PHLPP1: variants seen among roughly 807,000 people sequenced by gnomAD.
PHLPP1 encodes PH domain and leucine rich repeat protein phosphatase 1.
PHLPP1 carries 42 observed loss-of-function variants against 117.2 expected under a neutral mutation model. The observed-to-expected ratio is 0.36, with a 90% confidence interval of 0.28 to 0.46. The LOEUF (loss-of-function observed/expected upper bound fraction) is 0.46, where lower values mean the gene tolerates loss of function less well. PHLPP1 is among the 20% of genes least tolerant of loss of function. The pLI is 1.00. For synonymous variants in PHLPP1, 1,042 were observed against 970.7 expected, an observed-to-expected ratio of 1.07 and a Z score of -1.37; for missense variants, 2,084 against 2,241.9, an observed-to-expected ratio of 0.93 and a Z score of 1.42.
At chr18:62,805,194 GCATAGGTTATACATATACAGTA>G (rs1489859927) in intron 1 of PHLPP1, among the ~76,000 whole-genome samples, 6 of 141,348 alleles carry the variant, frequency 4.2e-5, no homozygotes, top group Admixed American at 2.8e-4. Context: ...AATATACACT[GCATAGGTTATACATATACAGTA>G]TAATATACAC....
chr18:62,928,626 A>G (rs1909717526), intron 10 of PHLPP1, among the ~76,000 whole-genome samples: 1 of 152,188 alleles, frequency 6.6e-6, no homozygotes, highest in Non-Finnish European at 1.5e-5. Context: ...ATTAAACACA[A>G]TATTACCCAG....
chr18:62,820,089 A>G (rs995618391), intron 1 of PHLPP1, among the ~76,000 whole-genome samples: 17 of 152,358 alleles, frequency 1.1e-4, no homozygotes, highest in African/African-American at 3.1e-4. Flanking sequence ...AAACAGTATA[A>G]TCAGTGATAA....
chr18:62,978,754 A>G lies in PHLPP1; in HGVS notation c.4477A>G (p.Thr1493Ala). The change falls in exon 17 of 17, where the codon ACA (threonine) becomes GCA (alanine). Residue 1493 changes from threonine to alanine, a missense_variant. This residue lies in a region of PHLPP1 where 1,365 missense variants were observed against 1,605.9 expected (regional missense o/e 0.85). Transcript: ENST00000262719. The surrounding 1 kb of genome is among the most constrained non-coding windows in gnomAD (Gnocchi z 7.0). ...TGAGATGAGCAGCGAGGTGGGGTCA[A>G]CAGCCTCCGATGAGCCCCCGCCCGG... Reference protein sequence around the residue: ...TSEMSSEVGSTASDEPPPGAL... With the variant: ...TSEMSSEVGSAASDEPPPGAL... The G allele has an allele frequency of 1.2e-6, 2 of 1,613,340 alleles. No homozygotes were observed. The highest frequency in any genetic ancestry group is 1.7e-6 in the Non-Finnish European group (2 of 1,179,770).
At chr18:62,899,454 C>G (rs573419661) in intron 6 of PHLPP1, among the ~76,000 whole-genome samples, 1 of 152,314 alleles carries the variant, frequency 6.6e-6, no homozygotes, top group East Asian at 1.9e-4. Context: ...CCATGTACAC[C>G]TGTTCCATTC....
At chr18:62,801,269 C>T in intron 1 of PHLPP1, among the ~76,000 whole-genome samples, 1 of 151,524 alleles carries the variant, frequency 6.6e-6, no homozygotes, top group East Asian at 1.9e-4. Flanking sequence ...TCTCAAACTC[C>T]TGGCCTCAAG....
chr18:62,717,860 G>C (rs999554380), intron 1 of PHLPP1, among the ~76,000 whole-genome samples: 1 of 151,748 alleles, frequency 6.6e-6, no homozygotes, highest in East Asian at 1.9e-4. Flanking sequence ...CGCTTTTTTT[G>C]CTCGATTTCT....
At chr18:62,915,512 C>A (rs910707143) in intron 9 of PHLPP1, among the ~76,000 whole-genome samples, 3 of 151,906 alleles carry the variant, frequency 2.0e-5, no homozygotes, top group African/African-American at 7.3e-5. Context: ...AAGAACTTCT[C>A]TTTCCTTCTC....
chr18:62,879,402 A>ATGTGTG (rs1916121047), intron 4 of PHLPP1, among the ~76,000 whole-genome samples: 1 of 148,258 alleles, frequency 6.7e-6, no homozygotes, highest in African/African-American at 2.6e-5. Flanking sequence ...GGTATTCTGG[A>ATGTGTG]TATGTGTGTG....
chr18:62,957,137 A>G (rs1167690781), intron 12 of PHLPP1, among the ~76,000 whole-genome samples: 4 of 152,100 alleles, frequency 2.6e-5, no homozygotes, highest in Admixed American at 1.3e-4. Context: ...ACCCCATACT[A>G]TATACTATAT....
At chr18:62,922,710 G>C (rs1909512210) in intron 10 of PHLPP1, among the ~76,000 whole-genome samples, 1 of 152,248 alleles carries the variant, frequency 6.6e-6, no homozygotes, top group East Asian at 1.9e-4. Flanking sequence ...ACTATTAGAG[G>C]TTATCAGTGC....
chr18:62,741,911 G>T (rs1911538498), intron 1 of PHLPP1, among the ~76,000 whole-genome samples: 1 of 151,862 alleles, frequency 6.6e-6, no homozygotes, highest in African/African-American at 2.4e-5. Context: ...GAAATTGTAA[G>T]GGGCCATATA....
At chr18:62,938,420 A>G (rs1281926830) in intron 10 of PHLPP1, among the ~76,000 whole-genome samples, 1 of 152,220 alleles carries the variant, frequency 6.6e-6, no homozygotes, top group African/African-American at 2.4e-5. Flanking sequence ...GATGAAATGT[A>G]GACTATTAAA....
intron 12 of PHLPP1, among the ~76,000 whole-genome samples, chr18:62,952,282 A>G: frequency 6.6e-6 from 1 of 152,172 alleles, no homozygotes; most frequent in South Asian, 2.1e-4. Flanking sequence ...AAAAGAAGGG[A>G]TGATGTAAAG....
In PHLPP1 at chr18:62,913,556, A is replaced by G. The variant is rs191739671; in HGVS notation, c.2709-1357A>G. 1.9e-3 allele frequency among the ~76,000 whole-genome samples: 284 copies of G among 152,294 alleles called. 5 individuals are homozygous for G. The highest frequency in any genetic ancestry group is 3.8e-4 in the Non-Finnish European group (26 of 68,024). ...TTCACAGAATTACTCATCTGTGTAT[A>G]AAGAATTGTCATAATGTACGTACTG... On this transcript the variant is annotated intron_variant, in intron 8 of 16. Coordinates refer to ENST00000262719, the MANE Select transcript of PHLPP1 (RefSeq NM_194449.4).
intron 1 of PHLPP1, among the ~76,000 whole-genome samples, chr18:62,725,795 T>C (rs928226427): frequency 6.6e-6 from 1 of 152,360 alleles, no homozygotes; most frequent in Admixed American, 6.5e-5. Context: ...GCAAAAGCTT[T>C]AGCTTCCTTT....
At chr18:62,769,792 C>T (rs1912692438) in intron 1 of PHLPP1, among the ~76,000 whole-genome samples, 1 of 152,178 alleles carries the variant, frequency 6.6e-6, no homozygotes, top group Non-Finnish European at 1.5e-5. Flanking sequence ...AACTGTTCAT[C>T]AACTGTTATA....
intron 1 of PHLPP1, among the ~76,000 whole-genome samples, chr18:62,752,177 A>C (rs1191732946): frequency 2.6e-5 from 4 of 152,230 alleles, no homozygotes; most frequent in African/African-American, 9.6e-5. Flanking sequence ...ACTTGGGCTC[A>C]GGCAGTCTTC....
intron 15 of PHLPP1, 140 bp downstream of exon 15, chr18:62,972,848 T>C (rs929373199): frequency 1.5e-6 from 1 of 659,476 alleles, no homozygotes; most frequent in South Asian, 1.9e-5. Context: ...TCAGGCAAGT[T>C]TGGTGTTGCC....
intron 1 of PHLPP1, among the ~76,000 whole-genome samples, chr18:62,721,266 T>C (rs558835383): frequency 6.6e-6 from 1 of 152,164 alleles, no homozygotes; most frequent in Non-Finnish European, 1.5e-5. Context: ...AATATCCTGG[T>C]TGCAAATAGT....
Sources: gnomAD v4.1 joint callset for allele counts (sites outside exome capture counted in the v4.1 genomes callset) on GRCh38, gnomAD v4.1.1 for gene constraint, gnomAD v4.1.1 regional missense constraint, Gnocchi (gnomAD v3.1) non-coding constraint, MANE v1.5 for transcripts, NCBI Gene and HGNC (gene_info 2026-07-23, HGNC 2026-07-21) for gene names.